Variants in DCAF10 observed in about 807,000 individuals in gnomAD.
The protein encoded by DCAF10 is DDB1 and CUL4 associated factor 10, also known as DDB1- and CUL4-associated factor 10.
Under a neutral mutation model 51.9 loss-of-function variants are expected in DCAF10, and 19 were observed. That is an observed-to-expected ratio of 0.37 (90% CI 0.26 to 0.54). The LOEUF (loss-of-function observed/expected upper bound fraction) is 0.54, where lower values mean the gene tolerates loss of function less well. DCAF10 is among the 20% of genes least tolerant of loss of function. The pLI is 0.87. For synonymous variants in DCAF10, 291 were observed against 297.1 expected (o/e 0.98, Z 0.21); for missense variants, 510 against 730.6 (o/e 0.70, Z 3.48).
intron 1 of DCAF10, among the ~76,000 whole-genome samples, chr9:37,816,151 GA>G (rs1288732323): frequency 6.6e-6 from 1 of 152,112 alleles, no homozygotes; most frequent in African/African-American, 2.4e-5. Context: ...AAGTGCCCAG[GA>G]ATAAGTTCAA....
intron 1 of DCAF10, among the ~76,000 whole-genome samples, chr9:37,808,660 A>ATATTATAT (rs1829216309): frequency 1.9e-5 from 2 of 104,870 alleles, no homozygotes; most frequent in African/African-American, 8.3e-5. Context: ...TATAAAATAT[A>ATATTATAT]AATATATTAT....
intron 2 of DCAF10, among the ~76,000 whole-genome samples, chr9:37,838,989 A>G (rs1382166074): frequency 6.6e-6 from 1 of 152,146 alleles, no homozygotes; most frequent in African/African-American, 2.4e-5. Flanking sequence ...TTGAGATAAT[A>G]TTAGGTTTAA....
At chr9:37,860,492 TAAACAAAC>T (rs113858882) in intron 6 of DCAF10, 13 of 257,042 alleles carry the variant, frequency 5.1e-5, no homozygotes, top group South Asian at 1.2e-4. Flanking sequence ...CATCTCACCC[TAAACAAAC>T]AAACAAACAA....
intron 3 of DCAF10, among the ~76,000 whole-genome samples, chr9:37,845,189 C>A (rs1255475162): frequency 6.6e-6 from 1 of 151,926 alleles, no homozygotes; most frequent in African/African-American, 2.4e-5. Flanking sequence ...ACTCAAAAAA[C>A]TGGAAAAAAG....
At chr9:37,849,214 T>C (rs1195689699) in intron 3 of DCAF10, among the ~76,000 whole-genome samples, 1 of 151,700 alleles carries the variant, frequency 6.6e-6, no homozygotes, top group Non-Finnish European at 1.5e-5. Flanking sequence ...TGTCATGGGG[T>C]GGGTGAAGCG....
intron 3 of DCAF10, among the ~76,000 whole-genome samples, chr9:37,844,491 A>G: frequency 6.6e-6 from 1 of 152,182 alleles, no homozygotes; most frequent in East Asian, 1.9e-4. Flanking sequence ...TCTCTACTAA[A>G]AATACAAAAA....
At position 37,804,147 on chromosome 9, in the gene DCAF10, C is replaced by T. The variant is rs115269333; in HGVS notation, c.539+2742C>T. Among the ~76,000 whole-genome samples, 552 of 151,986 alleles carry T rather than the reference C, an allele frequency of 3.6e-3. 4 individuals carry two copies. Among genetic ancestry groups the T allele is most frequent in the African/African-American group, 0.013 (534 of 41,486 alleles). ...AGAAGCAAAGAAACTAACTAGAATA[C>T]AGACCTGGAAAACACAGAGATTGAA... is the stretch of plus-strand genomic sequence containing the variant. On this transcript the variant is annotated intron_variant, in intron 1 of 6. Coordinates refer to ENST00000377724, the MANE Select transcript of DCAF10 (RefSeq NM_024345.5).
At chr9:37,802,544 TG>T (rs1046961473) in intron 1 of DCAF10, among the ~76,000 whole-genome samples, 2 of 151,438 alleles carry the variant, frequency 1.3e-5, no homozygotes, top group African/African-American at 2.4e-5. Flanking sequence ...TTACAGGAGG[TG>T]AAAAAAAATA....
chr9:37,844,510 G>T (rs1182311881), intron 3 of DCAF10, among the ~76,000 whole-genome samples: 3 of 152,190 alleles, frequency 2.0e-5, no homozygotes, highest in Admixed American at 6.5e-5. Flanking sequence ...AATTAGCCAG[G>T]CGTGGTGGCT....
chr9:37,804,462 A>T (rs1829049823), intron 1 of DCAF10, among the ~76,000 whole-genome samples: 1 of 152,092 alleles, frequency 6.6e-6, no homozygotes, highest in East Asian at 1.9e-4. Context: ...GTGGGACAAT[A>T]AATATAAAAT....
At chr9:37,853,887 G>T (rs1341945101) in intron 3 of DCAF10, among the ~76,000 whole-genome samples, 1 of 151,762 alleles carries the variant, frequency 6.6e-6, no homozygotes, top group African/African-American at 2.4e-5. Flanking sequence ...ATTCTTATTG[G>T]CATCAAAAAT....
At position 37,854,870 on chromosome 9, in the gene DCAF10, G is replaced by A. The variant is rs769516239; in HGVS notation, c.942G>A (p.Leu314=). Residue 314 remains leucine (L), a synonymous_variant, in exon 4 of 7, where the codon TTG becomes TTA. Coordinates refer to ENST00000377724, the MANE Select transcript of DCAF10 (RefSeq NM_024345.5). Reference sequence around the variant, plus strand: ...TAACACCAGATTGTTCCAAAATGTTGATTTCAACGTCCTCTGGATATCTCT... The same window carrying A: ...TAACACCAGATTGTTCCAAAATGTTAATTTCAACGTCCTCTGGATATCTCT... ...MRLTPDCSKM[L]ISTSSGYLLI... 2 of 1,614,004 alleles carry A rather than the reference G, an allele frequency of 1.2e-6. No homozygotes were observed. Among genetic ancestry groups the A allele is most frequent in the Admixed American group, 3.3e-5 (2 of 60,014 alleles).
chr9:37,810,459 C>CTTTT (rs542709204), intron 1 of DCAF10, among the ~76,000 whole-genome samples: 1 of 149,404 alleles, frequency 6.7e-6, no homozygotes, highest in Non-Finnish European at 1.5e-5. Context: ...TTCTTTCTTT[C>CTTTT]TTTCTTTTTT....
chr9:37,800,584 C>T (rs1828885029), upstream of DCAF10: 1 of 1,536,034 alleles, frequency 6.5e-7, no homozygotes, highest in African/African-American at 1.4e-5. Flanking sequence ...CCACCGGTCA[C>T]TGACAACTAC....
At chr9:37,849,726 C>CA (rs1208789450) in intron 3 of DCAF10, among the ~76,000 whole-genome samples, 1 of 151,972 alleles carries the variant, frequency 6.6e-6, no homozygotes, top group South Asian at 2.1e-4. Flanking sequence ...ACTAAAAATA[C>CA]AAAAAAATTA....
intron 1 of DCAF10, among the ~76,000 whole-genome samples, chr9:37,805,359 C>T (rs957855183): frequency 1.3e-5 from 2 of 152,102 alleles, no homozygotes; most frequent in Non-Finnish European, 2.9e-5. Flanking sequence ...TGGCATACAC[C>T]TGTAATCTCA....
chr9:37,851,711 CTTGAACCT>C (rs1268088134), intron 3 of DCAF10, among the ~76,000 whole-genome samples: 2 of 151,426 alleles, frequency 1.3e-5, no homozygotes, highest in Non-Finnish European at 2.9e-5. Context: ...AGGAGAATCG[CTTGAACCT>C]GGGAGGCAGA....
chr9:37,822,918 T>C lies in DCAF10; in HGVS notation c.653+3517T>C, dbSNP rs549967921. Reference sequence around the variant, plus strand: ...AGGAGTTCAAGGCAGCAGTGAGCTATGATTGCACCACTGCTCTCAGCCTAG... The same window carrying C: ...AGGAGTTCAAGGCAGCAGTGAGCTACGATTGCACCACTGCTCTCAGCCTAG... On this transcript the variant is annotated intron_variant, in intron 2 of 6. Transcript: ENST00000377724. Among the ~76,000 whole-genome samples, 20 of 152,222 alleles carry C rather than the reference T, an allele frequency of 1.3e-4. No homozygotes were observed. In the East Asian group the frequency reaches 2.1e-3, roughly 16 times the overall value.
chr9:37,845,124 A>G (rs1339381267), intron 3 of DCAF10, among the ~76,000 whole-genome samples: 2 of 152,196 alleles, frequency 1.3e-5, no homozygotes, highest in Non-Finnish European at 2.9e-5. Context: ...TAATTTATGG[A>G]TCAAAGAAGA....
Sources: allele counts gnomAD v4.1 joint callset (sites outside exome capture counted in the v4.1 genomes callset), GRCh38; gene constraint gnomAD v4.1.1; transcripts MANE v1.5; gene names NCBI Gene and HGNC (gene_info 2026-07-23, HGNC 2026-07-21).